SH2D4B: variants seen among roughly 807,000 people sequenced by gnomAD.
SH2D4B encodes SH2 domain containing 4B, also known as SH2 domain-containing protein 4B.
A neutral mutation model predicts 61.5 loss-of-function variants in SH2D4B; 45 were observed. That is an observed-to-expected ratio of 0.73 (90% CI 0.58 to 0.94). The LOEUF (loss-of-function observed/expected upper bound fraction) is 0.94. Ranked by LOEUF, SH2D4B falls within the 40% of genes least tolerant of loss-of-function variation. SH2D4B has a pLI of 0.00. For synonymous variants in SH2D4B, 224 were observed against 220.4 expected (o/e 1.02, Z -0.14); for missense variants, 572 against 574.2 (o/e 1.00, Z 0.04).
intron 7 of SH2D4B, among the ~76,000 whole-genome samples, chr10:80,640,738 C>A (rs1840277150): frequency 6.6e-6 from 1 of 152,160 alleles, no homozygotes; most frequent in Non-Finnish European, 1.5e-5. Flanking sequence ...TTCAAACATC[C>A]TCCTTTAGCT....
At chr10:80,593,397 T>G (rs1248179666) in intron 4 of SH2D4B, among the ~76,000 whole-genome samples, 1 of 152,252 alleles carries the variant, frequency 6.6e-6, no homozygotes, top group Admixed American at 6.5e-5. Context: ...TAGTTTTCAG[T>G]GTAGAAGCCT....
At chr10:80,572,294 A>T (rs1842057514) in intron 3 of SH2D4B, among the ~76,000 whole-genome samples, 1 of 152,202 alleles carries the variant, frequency 6.6e-6, no homozygotes, top group African/African-American at 2.4e-5. Flanking sequence ...GGATTCAAGG[A>T]GATGATATAG....
At chr10:80,631,736 A>G (rs926418227) in intron 6 of SH2D4B, among the ~76,000 whole-genome samples, 3 of 151,332 alleles carry the variant, frequency 2.0e-5, no homozygotes, top group African/African-American at 7.2e-5. Context: ...TCTCACTTAT[A>G]TGTGGAATCT....
At chr10:80,618,515 C>G (rs114371111) in intron 6 of SH2D4B, among the ~76,000 whole-genome samples, 26 of 152,298 alleles carry the variant, frequency 1.7e-4, no homozygotes, top group African/African-American at 6.0e-4. Context: ...TGAGCTCATT[C>G]ATCACAATCT....
chr10:80,563,638 GA>G (rs57796217), intron 1 of SH2D4B, among the ~76,000 whole-genome samples: 7,801 of 152,072 alleles, frequency 0.051, 627 homozygotes, highest in African/African-American at 0.18. Flanking sequence ...ACCATTATTT[GA>G]AATAAATATT....
rs370240631 is a variant in SH2D4B at position 80,538,328 on chromosome 10, C to A, written c.-4C>A. 39 of 1,332,088 alleles carry A rather than the reference C, an allele frequency of 2.9e-5. No individual in the cohort carries two copies. The African/African-American group carries it at 5.8e-4, about 20-fold the overall frequency. The allele number at this position is 1,332,088 out of a possible 1,614,324, so 82.5% of individuals were successfully genotyped here. On this transcript the variant is annotated 5_prime_UTR_variant, in exon 1 of 8. Transcript: ENST00000646907. This position sits in a 1 kb window ranked among gnomAD's most constrained non-coding sequence, Gnocchi z 4.8. ...CTTCTGGTGCGTGCATCCCAGGTGG[C>A]ATCATGCTGCAGCAGATCCTGCACG...
chr10:80,612,107 G>C (rs948006272), intron 6 of SH2D4B, among the ~76,000 whole-genome samples: 3 of 149,854 alleles, frequency 2.0e-5, no homozygotes, highest in Non-Finnish European at 4.4e-5. Flanking sequence ...GGGATAGTAA[G>C]TCATGGTTAT....
intron 3 of SH2D4B, among the ~76,000 whole-genome samples, chr10:80,572,864 C>T (rs372159532): frequency 4.8e-5 from 7 of 144,902 alleles, no homozygotes; most frequent in Middle Eastern, 3.6e-3. Context: ...GTGATCTGCC[C>T]GCCTCAGCCT....
intron 6 of SH2D4B, among the ~76,000 whole-genome samples, chr10:80,633,434 G>A (rs536131282): frequency 4.1e-4 from 62 of 152,264 alleles, no homozygotes; most frequent in Non-Finnish European, 6.2e-4. Flanking sequence ...AATGTCAAAG[G>A]ACACTGGAGA....
rs5786463 is a variant in SH2D4B, at chr10:80,552,889, T to TTCTCTC, written c.184+14388_184+14393dup. On this transcript the variant is annotated intron_variant, in intron 1 of 7. Coordinates refer to ENST00000646907, the MANE Select transcript of SH2D4B (RefSeq NM_001388272.1). ...TCTTTCTCCCCCTCTCTCTCTTTCTTTCTCTCTCTCTCTCTCTCTTGCTCT... is the reference window on the plus strand; with the variant it reads ...TCTTTCTCCCCCTCTCTCTCTTTCTTTCTCTCTCTCTCTCTCTCTCTCTCTTGCTCT... Among the ~76,000 whole-genome samples the TTCTCTC allele has an allele frequency of 3.8e-3, 558 of 146,950 alleles. 5 individuals carry two copies. The highest frequency in any genetic ancestry group is 0.014 in the African/African-American group (539 of 38,312).
chr10:80,608,905 T>TC (rs1177623808), intron 5 of SH2D4B, among the ~76,000 whole-genome samples: 1 of 151,942 alleles, frequency 6.6e-6, no homozygotes, highest in African/African-American at 2.4e-5. Flanking sequence ...CAGGCAGGCG[T>TC]CCCCTCAGAG....
At chr10:80,580,326 T>C (rs1349759900) in intron 3 of SH2D4B, among the ~76,000 whole-genome samples, 1 of 152,126 alleles carries the variant, frequency 6.6e-6, no homozygotes, top group East Asian at 1.9e-4. Context: ...AGTCTACATA[T>C]TACAATTAGA....
At chr10:80,574,161 G>C (rs753167052) in intron 3 of SH2D4B, among the ~76,000 whole-genome samples, 2 of 151,998 alleles carry the variant, frequency 1.3e-5, no homozygotes, top group African/African-American at 2.4e-5. Flanking sequence ...ATTTGAGATA[G>C]GGTCTCACTC....
At chr10:80,595,731 T>G (rs1842378108) in intron 4 of SH2D4B, among the ~76,000 whole-genome samples, 1 of 152,176 alleles carries the variant, frequency 6.6e-6, no homozygotes, top group Non-Finnish European at 1.5e-5. Context: ...GGGGACAGAC[T>G]CCTCTGTCCT....
chr10:80,610,431 A>T (rs910420974), intron 6 of SH2D4B, among the ~76,000 whole-genome samples: 5 of 152,242 alleles, frequency 3.3e-5, no homozygotes, highest in African/African-American at 1.2e-4. Flanking sequence ...GTGGGAAGAA[A>T]ATGTTTGGAT....
chr10:80,642,681 A>G (rs4934387), intron 7 of SH2D4B, among the ~76,000 whole-genome samples: 9 of 152,084 alleles, frequency 5.9e-5, no homozygotes, highest in Non-Finnish European at 1.2e-4. Context: ...CTTTTGATGG[A>G]CACTTATCTG....
intron 1 of SH2D4B, among the ~76,000 whole-genome samples, chr10:80,543,385 G>T (rs977424719): frequency 1.3e-5 from 2 of 152,120 alleles, no homozygotes; most frequent in Non-Finnish European, 2.9e-5. Flanking sequence ...GGCAGTGAGG[G>T]GCTTAGCACC....
intron 1 of SH2D4B, among the ~76,000 whole-genome samples, chr10:80,560,552 A>AT (rs1421100056): frequency 8.0e-5 from 12 of 150,268 alleles, no homozygotes; most frequent in East Asian, 2.0e-4. Context: ...CACCTGGCTA[A>AT]TTTTTTTTTA....
At chr10:80,594,584 A>G (rs886740230) in intron 4 of SH2D4B, among the ~76,000 whole-genome samples, 5 of 152,254 alleles carry the variant, frequency 3.3e-5, no homozygotes, top group African/African-American at 9.6e-5. Context: ...AATATTTAGT[A>G]TAACTCACTA....
Sources: allele counts gnomAD v4.1 joint callset (sites outside exome capture counted in the v4.1 genomes callset), GRCh38; gene constraint gnomAD v4.1.1; non-coding constraint Gnocchi (gnomAD v3.1); transcripts MANE v1.5; gene names NCBI Gene and HGNC (gene_info 2026-07-23, HGNC 2026-07-21).